Variants in KIAA1217 observed in about 807,000 individuals in gnomAD.
KIAA1217 encodes the protein sickle tail protein homolog.
In KIAA1217, 88 loss-of-function variants were observed where a neutral mutation model predicts 163.9. The ratio of observed to expected loss-of-function variants is 0.54; its 90% CI spans 0.45 to 0.64. The LOEUF (loss-of-function observed/expected upper bound fraction) is 0.64, where lower values mean the gene tolerates loss of function less well. Ranked by LOEUF, KIAA1217 falls within the 30% of genes least tolerant of loss-of-function variation. The pLI is 0.00. For synonymous variants in KIAA1217, 903 were observed against 923.1 expected, an observed-to-expected ratio of 0.98 and a Z score of 0.39; for missense variants, 2,372 against 2,475.0, an observed-to-expected ratio of 0.96 and a Z score of 0.88.
chr10:24,394,060 C>G lies in KIAA1217; in HGVS notation c.553+12993C>G, dbSNP rs185544590. On this transcript the variant is annotated intron_variant, in intron 3 of 20. Transcript: ENST00000376454. ...ATTTGTTTTCATTTCAGCACATCAG[C>G]TTGGTTTCTTAGCATTCCAAGGGGA... Among the ~76,000 whole-genome samples the G allele has an allele frequency of 3.4e-3, 513 of 152,350 alleles. 2 individuals are homozygous for G. The highest frequency in any genetic ancestry group is 0.01 in the Middle Eastern group (3 of 294).
intron 1 of KIAA1217, among the ~76,000 whole-genome samples, chr10:23,761,915 A>C (rs1195054040): frequency 6.6e-6 from 1 of 152,176 alleles, no homozygotes; most frequent in Non-Finnish European, 1.5e-5. Context: ...AAAATGATAA[A>C]GAGGATATCA....
intron 1 of KIAA1217, among the ~76,000 whole-genome samples, chr10:23,989,734 T>C (rs1321253028): frequency 6.6e-6 from 1 of 152,216 alleles, no homozygotes; most frequent in East Asian, 1.9e-4. Context: ...AGACATTTGA[T>C]GTCAGAACTA....
intron 1 of KIAA1217, among the ~76,000 whole-genome samples, chr10:23,886,260 G>A (rs1841170104): frequency 6.6e-6 from 1 of 151,816 alleles, no homozygotes; most frequent in African/African-American, 2.4e-5. Flanking sequence ...TGTTAACATG[G>A]GCATCTTCAC....
rs767798668 is a variant in KIAA1217 at position 24,433,176 on chromosome 10, T to C, written c.735T>C (p.Tyr245=). The change falls in exon 4 of 21, where the codon TAT becomes TAC. Residue 245 remains tyrosine (Y), a synonymous_variant. Transcript: ENST00000376454. ...YIKDESRNVY[Y]ELNDVRNIQD... ...AAGATGAAAGCAGAAATGTCTATTA[T>C]GAATTAAATGATGTAAGGTAAGTTG... The C allele has an allele frequency of 3.1e-6, 5 of 1,613,398 alleles. No individual in the cohort carries two copies. The highest frequency in any genetic ancestry group is 1.6e-4 in the Middle Eastern group (1 of 6,062).
chr10:24,086,228 C>A (rs1460003425), intron 2 of KIAA1217, among the ~76,000 whole-genome samples: 3 of 152,178 alleles, frequency 2.0e-5, no homozygotes, highest in Non-Finnish European at 4.4e-5. Flanking sequence ...GGAGCCTCAA[C>A]AAAGGGAGGC....
intron 1 of KIAA1217, among the ~76,000 whole-genome samples, chr10:23,772,738 C>G (rs1324941991): frequency 6.6e-6 from 1 of 152,110 alleles, no homozygotes; most frequent in Non-Finnish European, 1.5e-5. Flanking sequence ...TCACTCTGCC[C>G]CATTCTAGAA....
At chr10:24,520,688 A>ACAC (rs370017339) in intron 11 of KIAA1217, among the ~76,000 whole-genome samples, 1 of 117,406 alleles carries the variant, frequency 8.5e-6, no homozygotes, top group African/African-American at 3.5e-5. Context: ...ACACACACAC[A>ACAC]AAAAAAAATT....
intron 2 of KIAA1217, among the ~76,000 whole-genome samples, chr10:24,311,197 C>T (rs775196285): frequency 4.6e-5 from 7 of 152,180 alleles, no homozygotes; most frequent in Admixed American, 3.3e-4. Context: ...GTTCTGCACA[C>T]GTGATGCAAC....
At chr10:24,508,762 A>T (rs948013098) in intron 9 of KIAA1217, among the ~76,000 whole-genome samples, 2 of 152,198 alleles carry the variant, frequency 1.3e-5, no homozygotes, top group African/African-American at 4.8e-5. Context: ...TGGATCTCAG[A>T]AAAACATATT....
At chr10:24,485,972 C>T (rs933620165) in intron 6 of KIAA1217, among the ~76,000 whole-genome samples, 3 of 152,228 alleles carry the variant, frequency 2.0e-5, no homozygotes, top group Non-Finnish European at 2.9e-5. Flanking sequence ...CATCTAGTCA[C>T]TCAGGCCAAA....
rs979633410 is a variant in KIAA1217 at position 24,209,358 on chromosome 10, A to AG, written c.70+97dup. The stretch of plus-strand genomic sequence containing the variant: ...AAACTGCAGCTCTGGGACCCGGCAA[A>AG]GGAAAAAAAAAAAAAAGGCAATTTC... On this transcript the variant is annotated intron_variant, in intron 1 of 20. Coordinates refer to ENST00000376454, the MANE Select transcript of KIAA1217 (RefSeq NM_019590.5). 11 of 772,780 alleles carry AG rather than the reference A, an allele frequency of 1.4e-5. No individual in the cohort carries two copies. The African/African-American group carries it at 3.3e-4, about 23-fold the overall frequency. 47.9% of individuals were successfully genotyped at this position (772,780 alleles called of 1,614,324 possible).
chr10:24,507,104 C>A (rs1190167835), intron 9 of KIAA1217, among the ~76,000 whole-genome samples: 2 of 152,162 alleles, frequency 1.3e-5, no homozygotes, highest in Non-Finnish European at 2.9e-5. Context: ...GTGCCTCAGT[C>A]TTAGGACTAA....
At chr10:23,896,049 G>T (rs1464960947) in intron 1 of KIAA1217, among the ~76,000 whole-genome samples, 1 of 150,846 alleles carries the variant, frequency 6.6e-6, no homozygotes, top group Middle Eastern at 3.4e-3. Flanking sequence ...GCTAAATGAC[G>T]AGTTAGTGGG....
chr10:24,194,026 A>C (rs1231468236), intron 2 of KIAA1217, among the ~76,000 whole-genome samples: 2 of 151,930 alleles, frequency 1.3e-5, no homozygotes, highest in African/African-American at 4.8e-5. Flanking sequence ...ATCTCTACTA[A>C]AAATACAAAA....
intron 2 of KIAA1217, among the ~76,000 whole-genome samples, chr10:24,052,158 G>A (rs1005283283): frequency 3.3e-5 from 5 of 152,054 alleles, no homozygotes. Context: ...GCAGGCAATG[G>A]TTGTGCCGAT....
At chr10:24,036,836 T>C (rs182469815) in intron 2 of KIAA1217, among the ~76,000 whole-genome samples, 1 of 152,292 alleles carries the variant, frequency 6.6e-6, no homozygotes, top group East Asian at 1.9e-4. Flanking sequence ...AGGCCCACCA[T>C]CAACATTGGA....
intron 14 of KIAA1217, among the ~76,000 whole-genome samples, chr10:24,530,532 A>C (rs1299135151): frequency 6.6e-6 from 1 of 152,144 alleles, no homozygotes; most frequent in Non-Finnish European, 1.5e-5. Context: ...TAGAGTTTTA[A>C]ATACCATTTG....
At chr10:24,426,194 T>C (rs951169172) in intron 3 of KIAA1217, among the ~76,000 whole-genome samples, 2 of 152,214 alleles carry the variant, frequency 1.3e-5, no homozygotes, top group African/African-American at 4.8e-5. Context: ...TCATATTCAC[T>C]TGGCCACATT....
chr10:24,516,949 C>G (rs896816150), intron 10 of KIAA1217, among the ~76,000 whole-genome samples: 3 of 152,024 alleles, frequency 2.0e-5, no homozygotes, highest in Non-Finnish European at 4.4e-5. Context: ...CGCTTGAGCC[C>G]AGGAATTCAA....
Sources: gnomAD v4.1 joint callset for allele counts (sites outside exome capture counted in the v4.1 genomes callset) on GRCh38, gnomAD v4.1.1 for gene constraint, MANE v1.5 for transcripts, NCBI Gene and HGNC (gene_info 2026-07-23, HGNC 2026-07-21) for gene names.